The following PTPRO variants were observed in gnomAD, a reference collection of about 807,000 sequenced individuals.
PTPRO encodes protein tyrosine phosphatase receptor type O, also known as receptor-type tyrosine-protein phosphatase O.
Under a neutral mutation model 145.2 loss-of-function variants are expected in PTPRO, and 62 were observed. The ratio of observed to expected loss-of-function variants is 0.43; its 90% CI spans 0.35 to 0.53. PTPRO has a LOEUF of 0.53. Ranked by LOEUF, PTPRO falls within the 20% of genes least tolerant of loss-of-function variation. PTPRO has a pLI of 0.01. For synonymous variants in PTPRO, 565 were observed against 514.7 expected, an observed-to-expected ratio of 1.10 and a Z score of -1.32; for missense variants, 1,345 against 1,482.7, an observed-to-expected ratio of 0.91 and a Z score of 1.53.
At position 15,335,354 on chromosome 12, in the gene PTPRO, T is replaced by C. The variant is rs1399273692; in HGVS notation, c.75+12553T>C. 2.6e-5 allele frequency among the ~76,000 whole-genome samples: 4 copies of C among 151,982 alleles called. No individual in the cohort carries two copies. In the East Asian group the frequency reaches 7.7e-4, roughly 29 times the overall value. ...TCTCCATGTATTATTAAACATTGAG[T>C]CATGTGGTCATCTCTTAAAGGATTA... On this transcript the variant is annotated intron_variant, in intron 1 of 26. Coordinates refer to ENST00000281171, the MANE Select transcript of PTPRO (RefSeq NM_030667.3).
At chr12:15,577,098 G>A (rs1464388750) in intron 19 of PTPRO, among the ~76,000 whole-genome samples, 3 of 152,202 alleles carry the variant, frequency 2.0e-5, no homozygotes, top group Non-Finnish European at 4.4e-5. Flanking sequence ...GGAAGCATCT[G>A]CCTAAATATA....
intron 14 of PTPRO, 95 bp from the exon 15 acceptor site, chr12:15,551,456 T>G (rs1381747517): frequency 8.8e-6 from 13 of 1,470,534 alleles, no homozygotes; most frequent in Non-Finnish European, 2.8e-6. Context: ...CATCGTAAGC[T>G]CACTGCCCTT....
intron 1 of PTPRO, among the ~76,000 whole-genome samples, chr12:15,465,550 C>T (rs1381799853): frequency 1.3e-5 from 2 of 152,154 alleles, no homozygotes; most frequent in Non-Finnish European, 2.9e-5. Context: ...GGTACACAGC[C>T]ATGTGTCCTA....
Position 15,508,432 on chromosome 12 carries a change from G to T in PTPRO, c.1268-139G>T, listed in dbSNP as rs1223439080. The T allele has an allele frequency of 3.5e-6, 3 of 862,742 alleles. No homozygotes were observed. The East Asian group carries it at 7.9e-5, about 23-fold the overall frequency. 53.4% of individuals were successfully genotyped at this position (862,742 alleles called of 1,614,324 possible). The stretch of plus-strand genomic sequence containing the variant: ...GTTGCAGCTGGGCAGAGGACCTGAA[G>T]AGTTGCCAGTCCGACCGCCAATCTT... On this transcript the variant is annotated intron_variant, in intron 6 of 26. Transcript: ENST00000281171.
intron 17 of PTPRO, 120 bp downstream of exon 17, chr12:15,560,396 A>C (rs972233590): frequency 4.1e-5 from 31 of 756,024 alleles, no homozygotes; most frequent in Non-Finnish European, 6.3e-5. Flanking sequence ...TAAAGTTATT[A>C]ATCATGTATT....
intron 2 of PTPRO, among the ~76,000 whole-genome samples, chr12:15,490,128 C>G (rs111362829): frequency 2.0e-5 from 3 of 152,338 alleles, no homozygotes; most frequent in Non-Finnish European, 2.9e-5. Context: ...AGAAAGCTCT[C>G]TCTTGTAGCA....
At chr12:15,562,741 CT>C (rs5796638) in intron 17 of PTPRO, among the ~76,000 whole-genome samples, 2,370 of 144,258 alleles carry the variant, frequency 0.016, 62 homozygotes, top group African/African-American at 0.052. Flanking sequence ...AGTGTTAAAT[CT>C]TTTTTTTTTT....
At position 15,581,786 on chromosome 12, in the gene PTPRO, C is replaced by T. The variant is rs202155227; in HGVS notation, c.3240C>T (p.His1080=). 1 of 1,613,974 alleles carries T rather than the reference C, an allele frequency of 6.2e-7. No homozygotes were observed. Among genetic ancestry groups the T allele is most frequent in the South Asian group, 1.1e-5 (1 of 91,088 alleles). Residue 1080 remains histidine, a synonymous_variant, in exon 23 of 27, where the codon CAC becomes CAT. Coordinates refer to ENST00000281171, the MANE Select transcript of PTPRO (RefSeq NM_030667.3). ...AGCAGGACGACTGGGCCTGTAGACACTTCCGGATCAACTATGTAAGTCACC... is the reference window on the plus strand; with the variant it reads ...AGCAGGACGACTGGGCCTGTAGACATTTCCGGATCAACTATGTAAGTCACC... ...EEEQDDWACR[H]FRINYADEMQ... is the part of the protein sequence containing the mutation.
rs1411442646 is a variant in PTPRO, at chr12:15,503,984, TAA to T, written c.1183_1184del (p.Lys395ValfsTer7). ...CAGAACTGAAGGAACCTGGGAAATA[TAA>T]GTTATCTGTGACAACCTTTAGTTCC... The part of the protein sequence containing the change: ...VAELKEPGKY[K>X]LSVTTFSSSG... On this transcript the variant is annotated frameshift_variant, in exon 6 of 27. Coordinates refer to ENST00000281171, the MANE Select transcript of PTPRO (RefSeq NM_030667.3). LOFTEE classifies it high-confidence loss of function. The T allele has an allele frequency of 6.2e-7, 1 of 1,607,550 alleles. No individual in the cohort carries two copies. Among genetic ancestry groups the T allele is most frequent in the Admixed American group, 1.7e-5 (1 of 60,010 alleles).
chr12:15,502,680 G>A (rs1463536375), intron 5 of PTPRO, among the ~76,000 whole-genome samples: 1 of 152,116 alleles, frequency 6.6e-6, no homozygotes, highest in Non-Finnish European at 1.5e-5. Flanking sequence ...AGCATCTGAG[G>A]TTCATTCTTT....
intron 12 of PTPRO, among the ~76,000 whole-genome samples, chr12:15,543,007 A>G (rs1450184865): frequency 1.3e-5 from 2 of 152,218 alleles, no homozygotes; most frequent in Non-Finnish European, 2.9e-5. Context: ...GAAATCTTGT[A>G]ATAGTAATAA....
intron 1 of PTPRO, among the ~76,000 whole-genome samples, chr12:15,361,109 T>C (rs1938192773): frequency 6.6e-6 from 1 of 151,250 alleles, no homozygotes; most frequent in African/African-American, 2.4e-5. Context: ...ATGATAAATA[T>C]TTAATAAATA....
chr12:15,513,184 A>G (rs71435115), intron 7 of PTPRO, among the ~76,000 whole-genome samples: 1 of 112,608 alleles, frequency 8.9e-6, no homozygotes, highest in Non-Finnish European at 1.8e-5. Flanking sequence ...AAAGAAAGAA[A>G]GAAAGAAAGA....
chr12:15,411,734 G>A (rs1939805770), intron 1 of PTPRO, among the ~76,000 whole-genome samples: 1 of 152,168 alleles, frequency 6.6e-6, no homozygotes, highest in Non-Finnish European at 1.5e-5. Flanking sequence ...TAAATTGGGC[G>A]ACAGAAATAC....
intron 24 of PTPRO, among the ~76,000 whole-genome samples, chr12:15,587,918 T>G (rs1944464295): frequency 1.3e-5 from 2 of 152,222 alleles, no homozygotes; most frequent in South Asian, 4.1e-4. Flanking sequence ...TTAGAATGAC[T>G]AGAATGAGGA....
At chr12:15,353,280 G>A (rs552594884) in intron 1 of PTPRO, among the ~76,000 whole-genome samples, 41 of 151,942 alleles carry the variant, frequency 2.7e-4, no homozygotes, top group African/African-American at 9.2e-4. Flanking sequence ...TGGAATTAAA[G>A]ATAAAAATTA....
chr12:15,382,159 A>AATATATATAT lies in PTPRO; in HGVS notation c.75+59367_75+59376dup, dbSNP rs144742152. Among the ~76,000 whole-genome samples the AATATATATAT allele has an allele frequency of 7.3e-3, 1,070 of 145,686 alleles. 6 individuals are homozygous for AATATATATAT. The highest frequency in any genetic ancestry group is 0.024 in the African/African-American group (951 of 39,570). ...GAGAGATGGCATCCAAAAAGTGAGA[A>AATATATATAT]ATATATATATATATATATTTATATT... On this transcript the variant is annotated intron_variant, in intron 1 of 26. Transcript: ENST00000281171.
At chr12:15,391,066 C>T (rs1487926704) in intron 1 of PTPRO, among the ~76,000 whole-genome samples, 3 of 152,144 alleles carry the variant, frequency 2.0e-5, no homozygotes, top group East Asian at 1.9e-4. Flanking sequence ...CCCTTATGAC[C>T]TTATCTAAAG....
chr12:15,482,958 G>A (rs544469605), intron 1 of PTPRO, among the ~76,000 whole-genome samples: 5 of 152,186 alleles, frequency 3.3e-5, no homozygotes, highest in African/African-American at 9.6e-5. Context: ...TAAAAGTAAC[G>A]ATACGTATCT....
Sources: allele counts gnomAD v4.1 joint callset (sites outside exome capture counted in the v4.1 genomes callset), GRCh38; gene constraint gnomAD v4.1.1; transcripts MANE v1.5; gene names NCBI Gene and HGNC (gene_info 2026-07-23, HGNC 2026-07-21).